The following PLEKHA7 variants were observed in gnomAD, a reference collection of about 807,000 sequenced individuals.
PLEKHA7 encodes the protein pleckstrin homology domain-containing family A member 7.
Under a neutral mutation model 170.0 loss-of-function variants are expected in PLEKHA7, and 104 were observed. The observed-to-expected ratio is 0.61, with a 90% confidence interval of 0.52 to 0.72. PLEKHA7 has a LOEUF of 0.72. PLEKHA7 is among the 30% of genes least tolerant of loss of function. The pLI is 0.00. For synonymous variants in PLEKHA7, 648 were observed against 660.8 expected (o/e 0.98, Z 0.30); for missense variants, 1,615 against 1,671.7 (o/e 0.97, Z 0.59).
At chr11:16,931,096 T>G (rs545131438) in intron 3 of PLEKHA7, among the ~76,000 whole-genome samples, 78 of 152,352 alleles carry the variant, frequency 5.1e-4, no homozygotes, top group African/African-American at 1.8e-3. Context: ...ATAAATAGCT[T>G]TATTGATTTT....
chr11:16,957,259 G>C (rs1279834893), intron 3 of PLEKHA7, among the ~76,000 whole-genome samples: 1 of 152,100 alleles, frequency 6.6e-6, no homozygotes, highest in East Asian at 1.9e-4. Context: ...ATTACTTATG[G>C]CATTAAAAAA....
intron 3 of PLEKHA7, among the ~76,000 whole-genome samples, chr11:16,943,100 T>C (rs1022142535): frequency 6.6e-6 from 1 of 152,212 alleles, no homozygotes; most frequent in Non-Finnish European, 1.5e-5. Flanking sequence ...AGCACCAGTA[T>C]CTGATGAAAT....
chr11:16,926,016 T>G (rs1304871548), intron 3 of PLEKHA7, among the ~76,000 whole-genome samples: 1 of 152,248 alleles, frequency 6.6e-6, no homozygotes, highest in Non-Finnish European at 1.5e-5. Flanking sequence ...TTGCCGCAAG[T>G]GCCCATCGGC....
chr11:16,934,321 C>A (rs1398384754), intron 3 of PLEKHA7, among the ~76,000 whole-genome samples: 3 of 152,176 alleles, frequency 2.0e-5, no homozygotes, highest in African/African-American at 7.2e-5. Context: ...AAAATGCCAA[C>A]CTCGCTTGAT....
intron 12 of PLEKHA7, chr11:16,815,411 A>G (rs1419766168): frequency 6.6e-6 from 1 of 152,470 alleles, no homozygotes; most frequent in African/African-American, 2.4e-5. Flanking sequence ...CCGTTAAGCA[A>G]TTACTGTGTC....
chr11:16,913,314 T>G (rs1186766459), intron 3 of PLEKHA7, among the ~76,000 whole-genome samples: 1 of 152,184 alleles, frequency 6.6e-6, no homozygotes, highest in African/African-American at 2.4e-5. Flanking sequence ...TGAATGCTAA[T>G]TGCCCCCACA....
chr11:16,875,933 G>T (rs992016574), intron 3 of PLEKHA7, among the ~76,000 whole-genome samples: 1 of 152,082 alleles, frequency 6.6e-6, no homozygotes, highest in African/African-American at 2.4e-5. Context: ...CCTAAAGAAC[G>T]GTGATTTACC....
intron 10 of PLEKHA7, among the ~76,000 whole-genome samples, chr11:16,821,579 C>G (rs2134823292): frequency 6.6e-6 from 1 of 152,296 alleles, no homozygotes; most frequent in Middle Eastern, 3.4e-3. Flanking sequence ...TGTGCTCAGT[C>G]TAATGAGATT....
chr11:16,899,463 C>T (rs895909768), intron 3 of PLEKHA7, among the ~76,000 whole-genome samples: 7 of 152,210 alleles, frequency 4.6e-5, no homozygotes, highest in African/African-American at 1.7e-4. Flanking sequence ...CGCCATTGCA[C>T]TCCAGCGCTG....
At position 16,903,842 on chromosome 11, in the gene PLEKHA7, C is replaced by T. The variant is rs536710516; in HGVS notation, c.222-32660G>A. On this transcript the variant is annotated intron_variant, in intron 3 of 26. Transcript: ENST00000531066. ...CCACAAATTGATTTAGTTTCAGCAGCCACCTGGGGCAGCACACAGTCAGAC... is the reference window on the plus strand; with the variant it reads ...CCACAAATTGATTTAGTTTCAGCAGTCACCTGGGGCAGCACACAGTCAGAC... Among the ~76,000 whole-genome samples, 7 of 152,330 alleles carry T rather than the reference C, an allele frequency of 4.6e-5. No individual in the cohort carries two copies. The South Asian group carries it at 1.5e-3, about 32-fold the overall frequency.
chr11:16,826,514 C>T lies in PLEKHA7; in HGVS notation c.949G>A (p.Gly317Arg). The T allele has an allele frequency of 1.2e-6, 2 of 1,614,186 alleles. No individual in the cohort carries two copies. The highest frequency in any genetic ancestry group is 1.7e-6 in the Non-Finnish European group (2 of 1,180,044). The change falls in exon 10 of 27, where the codon GGA (glycine) becomes AGA (arginine). Residue 317 changes from glycine to arginine, a missense_variant. Coordinates refer to ENST00000531066, the MANE Select transcript of PLEKHA7 (RefSeq NM_001329630.2). Reference protein sequence around the residue: ...TESCHECGRVGPGHTRDCPHR... With the variant: ...TESCHECGRVRPGHTRDCPHR... Reference sequence around the variant, plus strand: ...GGACAATCTCTCGTATGTCCGGGTCCCACCCGGCCACATTCGTGACAGGAC... The same window carrying T: ...GGACAATCTCTCGTATGTCCGGGTCTCACCCGGCCACATTCGTGACAGGAC...
At position 16,789,539 on chromosome 11, in the gene PLEKHA7, G is replaced by A; in HGVS notation, c.3156+236C>T. ...ACTTAGGCTCAGGCCTGTCCAGTGA[G>A]GCCAGAACCCAGGGTGCAGGCTTCT... On this transcript the variant is annotated intron_variant, in intron 22 of 26. Coordinates refer to ENST00000531066, the MANE Select transcript of PLEKHA7 (RefSeq NM_001329630.2). The surrounding 1 kb of genome is among the most constrained non-coding windows in gnomAD (Gnocchi z 4.6). 2 of 616,282 alleles carry A rather than the reference G, an allele frequency of 3.2e-6. No homozygotes were observed. The highest frequency in any genetic ancestry group is 5.9e-5 in the Admixed American group (2 of 34,122). 38.2% of individuals were successfully genotyped at this position (616,282 alleles called of 1,614,324 possible).
chr11:16,831,457 G>A (rs2135069976), intron 9 of PLEKHA7, among the ~76,000 whole-genome samples: 1 of 152,300 alleles, frequency 6.6e-6, no homozygotes, highest in East Asian at 1.9e-4. Context: ...CAGGCAGCTT[G>A]GCCATGCAAA....
At chr11:17,006,302 T>C (rs563917593) in intron 3 of PLEKHA7, among the ~76,000 whole-genome samples, 1 of 145,152 alleles carries the variant, frequency 6.9e-6, no homozygotes, top group South Asian at 2.4e-4. Flanking sequence ...CACTCCAGCC[T>C]GGGCAACAAG....
chr11:16,797,142 C>A (rs997763984), intron 17 of PLEKHA7, among the ~76,000 whole-genome samples: 2 of 152,068 alleles, frequency 1.3e-5, no homozygotes, highest in African/African-American at 4.8e-5. Flanking sequence ...ATTCTGACAA[C>A]CAAAATCGAA....
chr11:16,850,265 C>T (rs1852817777), intron 8 of PLEKHA7, among the ~76,000 whole-genome samples: 1 of 152,180 alleles, frequency 6.6e-6, no homozygotes, highest in Non-Finnish European at 1.5e-5. Context: ...GGCCAAGCAA[C>T]AAGTGTAGTG....
chr11:16,883,766 C>G (rs1207762837), intron 3 of PLEKHA7, among the ~76,000 whole-genome samples: 6 of 152,176 alleles, frequency 3.9e-5, no homozygotes, highest in African/African-American at 1.4e-4. Context: ...TATAGCAACA[C>G]TCCCCAATTG....
intron 3 of PLEKHA7, among the ~76,000 whole-genome samples, chr11:16,978,197 A>C (rs1863190394): frequency 2.0e-5 from 3 of 152,200 alleles, no homozygotes; most frequent in Non-Finnish European, 4.4e-5. Flanking sequence ...CACAGTTTCT[A>C]TTTTGTAAGA....
intron 3 of PLEKHA7, among the ~76,000 whole-genome samples, chr11:16,934,374 G>A (rs773131728): frequency 6.6e-6 from 1 of 152,172 alleles, no homozygotes; most frequent in African/African-American, 2.4e-5. Context: ...CAGATGAAGT[G>A]GGTGTGTGCT....
Sources: gnomAD v4.1 joint callset for allele counts (sites outside exome capture counted in the v4.1 genomes callset) on GRCh38, gnomAD v4.1.1 for gene constraint, Gnocchi (gnomAD v3.1) non-coding constraint, MANE v1.5 for transcripts, NCBI Gene and HGNC (gene_info 2026-07-23, HGNC 2026-07-21) for gene names.